The following SHTN1 variants were observed in gnomAD, a reference collection of about 807,000 sequenced individuals.
SHTN1 encodes the protein shootin-1.
In SHTN1, 42 loss-of-function variants were observed where a neutral mutation model predicts 83.1. The observed-to-expected ratio is 0.51, with a 90% CI of 0.39 to 0.65. SHTN1 has a LOEUF of 0.65. Among genes scored for constraint, SHTN1 ranks in the 30% least tolerant of loss-of-function variants. SHTN1 has a pLI of 0.00. For missense variants in SHTN1, 622 were observed against 737.8 expected, an observed-to-expected ratio of 0.84 and a Z score of 1.82; for synonymous variants, 224 against 247.7, an observed-to-expected ratio of 0.90 and a Z score of 0.90.
chr10:117,070,482 T>G (rs1049067602), intron 1 of SHTN1, among the ~76,000 whole-genome samples: 28 of 152,246 alleles, frequency 1.8e-4, no homozygotes, highest in Non-Finnish European at 3.2e-4. Context: ...TGCCCAGAAT[T>G]TAACGAGTTG....
chr10:116,997,985 G>A (rs888515671), intron 1 of SHTN1, among the ~76,000 whole-genome samples: 17 of 152,096 alleles, frequency 1.1e-4, no homozygotes, highest in Admixed American at 2.0e-4. Flanking sequence ...CCAGCTACTC[G>A]GGAGGCAGAG....
chr10:116,901,628 C>T, intron 16 of SHTN1, 137 bp downstream of exon 16: 1 of 1,356,270 alleles, frequency 7.4e-7, no homozygotes. Flanking sequence ...AAAAGCTGGC[C>T]CATCAAATGA....
At chr10:117,121,851 T>TGCAA (rs1323894005) in intron 1 of SHTN1, among the ~76,000 whole-genome samples, 1 of 151,870 alleles carries the variant, frequency 6.6e-6, no homozygotes, top group African/African-American at 2.4e-5. Flanking sequence ...GCTAACACAG[T>TGCAA]GCAACCCCGT....
rs547031241 is a variant in SHTN1, at chr10:117,079,172, C to A, written c.-188-30662G>T. On this transcript the variant is annotated intron_variant, in intron 1 of 17. Coordinates refer to the SHTN1 transcript ENST00000392901. ...CTAGCATCAGGTATATCTCCCAATGCTATCCCTCCCCCCCTCCCCCGACCC... is the reference window on the plus strand; with the variant it reads ...CTAGCATCAGGTATATCTCCCAATGATATCCCTCCCCCCCTCCCCCGACCC... Among the ~76,000 whole-genome samples the A allele has an allele frequency of 2.2e-5, 3 of 136,996 alleles. No individual in the cohort carries two copies. The East Asian group carries it at 7.9e-4, about 36-fold the overall frequency. The allele number at this position is 136,996 out of a possible 152,430, so 89.9% of individuals were successfully genotyped here. A position where few individuals can be genotyped will look rare whatever the true frequency, so the allele number is the denominator to read the frequency against.
chr10:117,113,698 G>A (rs896006864), intron 1 of SHTN1, among the ~76,000 whole-genome samples: 5 of 152,298 alleles, frequency 3.3e-5, no homozygotes, highest in Admixed American at 1.3e-4. Context: ...GAGCCCAGGC[G>A]TTCAAGACCC....
intron 7 of SHTN1, 68 bp downstream of exon 7, chr10:116,948,848 G>T: frequency 1.8e-6 from 2 of 1,090,664 alleles, no homozygotes; most frequent in African/African-American, 1.6e-5. Flanking sequence ...GGTGTAAAAT[G>T]ACACACAATA....
chr10:117,040,070 C>A, intron 2 of SHTN1, among the ~76,000 whole-genome samples: 1 of 152,200 alleles, frequency 6.6e-6, no homozygotes, highest in Middle Eastern at 3.4e-3. Flanking sequence ...GTACAATATT[C>A]ATGATGTGGA....
At chr10:117,044,745 A>T (rs549308219) in intron 2 of SHTN1, among the ~76,000 whole-genome samples, 2 of 152,284 alleles carry the variant, frequency 1.3e-5, no homozygotes, top group South Asian at 4.1e-4. Flanking sequence ...TTAAACACCT[A>T]TGTTGAAGTG....
In SHTN1 at chr10:116,886,149, T is replaced by G. The variant is rs1023605638; in HGVS notation, c.*195A>C. The stretch of plus-strand genomic sequence containing the variant: ...TTATAAAGATCAAAAAACCAAAACC[T>G]ACTAGGAATGTGTGTTTTGCTAAAC... On this transcript the variant is annotated 3_prime_UTR_variant, in exon 17 of 17. Transcript: ENST00000355371. 2 of 750,724 alleles carry G rather than the reference T, an allele frequency of 2.7e-6. No individual in the cohort carries two copies. Among genetic ancestry groups the G allele is most frequent in the Non-Finnish European group, 4.1e-6 (2 of 482,488 alleles). The allele number at this position is 750,724 out of a possible 1,614,324, so 46.5% of individuals were successfully genotyped here. A position where few individuals can be genotyped will look rare whatever the true frequency, so the allele number is the denominator to read the frequency against.
intron 7 of SHTN1, among the ~76,000 whole-genome samples, chr10:116,947,264 A>T (rs1041303397): frequency 2.0e-5 from 3 of 152,176 alleles, no homozygotes; most frequent in African/African-American, 7.2e-5. Context: ...ATTAGGCACA[A>T]GCTGGGCAGA....
intron 1 of SHTN1, among the ~76,000 whole-genome samples, chr10:117,077,775 A>C (rs377454623): frequency 6.6e-6 from 1 of 152,130 alleles, no homozygotes; most frequent in Admixed American, 6.6e-5. Context: ...GATGGTTTCC[A>C]GCTTCATCCA....
chr10:117,032,268 A>T (rs1852427995), intron 2 of SHTN1, among the ~76,000 whole-genome samples: 1 of 152,008 alleles, frequency 6.6e-6, no homozygotes, highest in African/African-American at 2.4e-5. Context: ...CAGTGGCGCG[A>T]TCTTGGCTCA....
chr10:117,123,813 A>T (rs997106663), intron 1 of SHTN1, among the ~76,000 whole-genome samples: 33 of 150,900 alleles, frequency 2.2e-4, no homozygotes, highest in African/African-American at 7.8e-4. Context: ...GGAGGCTGAG[A>T]CACGAGAACT....
chr10:116,998,379 C>CATGG (rs1174052146), intron 1 of SHTN1, among the ~76,000 whole-genome samples: 3 of 152,064 alleles, frequency 2.0e-5, no homozygotes, highest in South Asian at 4.2e-4. Context: ...CCATGGTCAA[C>CATGG]ATGGTATGAA....
intron 2 of SHTN1, among the ~76,000 whole-genome samples, chr10:117,035,298 C>T (rs752779563): frequency 6.6e-6 from 1 of 152,172 alleles, no homozygotes; most frequent in Non-Finnish European, 1.5e-5. Flanking sequence ...AAGAATGAAA[C>T]TAGACCCTTA....
intron 1 of SHTN1, among the ~76,000 whole-genome samples, chr10:117,049,815 T>C (rs1852715560): frequency 6.6e-6 from 1 of 152,170 alleles, no homozygotes. Flanking sequence ...TTAAATGTTT[T>C]TCGGTATGAA....
At chr10:117,085,191 T>C (rs1371639764) in intron 1 of SHTN1, among the ~76,000 whole-genome samples, 1 of 152,230 alleles carries the variant, frequency 6.6e-6, no homozygotes. Context: ...CTACTTTCTT[T>C]GAATTGTATA....
At chr10:116,997,944 T>C (rs1466166920) in intron 1 of SHTN1, among the ~76,000 whole-genome samples, 1 of 151,992 alleles carries the variant, frequency 6.6e-6, no homozygotes, top group African/African-American at 2.4e-5. Context: ...TACATAAAAT[T>C]AGTCAGGCAT....
At chr10:117,056,760 G>A (rs758976479) in intron 1 of SHTN1, among the ~76,000 whole-genome samples, 7 of 152,156 alleles carry the variant, frequency 4.6e-5, no homozygotes, top group African/African-American at 9.7e-5. Context: ...GCAGTGAGCC[G>A]AGATGGTGCC....
Sources: gnomAD v4.1 joint callset for allele counts (sites outside exome capture counted in the v4.1 genomes callset) on GRCh38, gnomAD v4.1.1 for gene constraint, MANE v1.5 for transcripts, NCBI Gene and HGNC (gene_info 2026-07-23, HGNC 2026-07-21) for gene names.